Variants in DIMT1 observed in about 807,000 individuals in gnomAD.
DIMT1 encodes the protein DIM1 rRNA methyltransferase and ribosome maturation factor, also known as dimethyladenosine transferase.
DIMT1 carries 36 observed loss-of-function variants against 43.2 expected under a neutral mutation model. The ratio of observed to expected loss-of-function variants is 0.83; its 90% CI spans 0.64 to 1.10. The LOEUF (loss-of-function observed/expected upper bound fraction) is 1.10, where lower values mean the gene tolerates loss of function less well. Among genes scored for constraint, DIMT1 ranks in the 50% least tolerant of loss-of-function variants. The pLI is 0.00. For missense variants in DIMT1, 341 were observed against 385.3 expected, an observed-to-expected ratio of 0.88 and a Z score of 0.96; for synonymous variants, 126 against 130.3, an observed-to-expected ratio of 0.97 and a Z score of 0.22.
At chr5:62,403,443 G>T in intron 1 of DIMT1, 97 bp from the exon 2 acceptor site, 1 of 1,227,420 alleles carries the variant, frequency 8.1e-7, no homozygotes. Context: ...GAAGATTTCT[G>T]CGCCAACCAG....
chr5:62,396,151 T>TTTTTTTTTTTTTTTTC (rs931809201), intron 6 of DIMT1, among the ~76,000 whole-genome samples: 1 of 148,184 alleles, frequency 6.7e-6, no homozygotes, highest in Non-Finnish European at 1.5e-5. Context: ...TTTTTTTTTT[T>TTTTTTTTTTTTTTTTC]ACATTATTAA....
chr5:62,402,588 T>C (rs1391161123), intron 2 of DIMT1, among the ~76,000 whole-genome samples: 1 of 152,238 alleles, frequency 6.6e-6, no homozygotes, highest in African/African-American at 2.4e-5. Flanking sequence ...TCTACGGCCA[T>C]AGCTTTCATC....
rs35130331 is a variant in DIMT1 at position 62,389,055 on chromosome 5, GA to G, written c.900-4del. ...CTGCGTTGAATCCATGTAGCAATCT[GA>G]AAAAAGAAATCAAAATGGAATGGTA... On this transcript the variant is annotated splice_polypyrimidine_tract_variant and splice_region_variant and intron_variant, in intron 11 of 11. Coordinates refer to ENST00000199320, the MANE Select transcript of DIMT1 (RefSeq NM_014473.4). The G allele has an allele frequency of 0.25, 395,261 of 1,608,284 alleles. 49,510 individuals are homozygous for G. The highest frequency in any genetic ancestry group is 0.27 in the Middle Eastern group (1,628 of 6,032).
intron 11 of DIMT1, among the ~76,000 whole-genome samples, chr5:62,389,482 T>G (rs1742193641): frequency 4.8e-5 from 2 of 41,400 alleles, no homozygotes; most frequent in Admixed American, 2.2e-4. Flanking sequence ...CAAGACTCTG[T>G]CTCAAAAAAA....
At position 62,391,910 on chromosome 5, in the gene DIMT1, C is replaced by G. The variant is rs1285625097; in HGVS notation, c.792+261G>C. On this transcript the variant is annotated intron_variant, in intron 10 of 11. Coordinates refer to ENST00000199320, the MANE Select transcript of DIMT1 (RefSeq NM_014473.4). ...GAACCTGTAACTGCTGAATCTGATT[C>G]TTGTTATGGCTAAAAACAACTGTCA... 7 of 1,533,938 alleles carry G rather than the reference C, an allele frequency of 4.6e-6. No individual in the cohort carries two copies. In the East Asian group the frequency reaches 1.5e-4, roughly 32 times the overall value.
chr5:62,399,643 C>CAA (rs769268284), intron 3 of DIMT1, among the ~76,000 whole-genome samples: 5 of 100,346 alleles, frequency 5.0e-5, no homozygotes, highest in Non-Finnish European at 2.1e-5. Flanking sequence ...GACTCCATCT[C>CAA]AAAAAAAAAA....
At chr5:62,403,386 G>T in intron 1 of DIMT1, 40 bp from the exon 2 acceptor site, 1 of 1,583,504 alleles carries the variant, frequency 6.3e-7, no homozygotes, top group Non-Finnish European at 8.7e-7. Context: ...TTCCTACTGA[G>T]ATTAGATATT....
intron 3 of DIMT1, among the ~76,000 whole-genome samples, chr5:62,401,580 CTTT>C (rs1156327743): frequency 9.6e-6 from 1 of 104,406 alleles, no homozygotes; most frequent in African/African-American, 3.6e-5. Context: ...TCATATTTTC[CTTT>C]TTTTTTTTTT....
At chr5:62,398,910 G>A in intron 3 of DIMT1, 29 bp from the exon 4 acceptor site, 7 of 1,500,864 alleles carry the variant, frequency 4.7e-6, no homozygotes, top group Non-Finnish European at 6.4e-6. Context: ...AAATTATTTA[G>A]GTTAATTATG....
At chr5:62,393,863 G>GTTGAT in intron 8 of DIMT1, 92 bp downstream of exon 8, 1 of 1,089,360 alleles carries the variant, frequency 9.2e-7, no homozygotes, top group East Asian at 2.5e-5. Context: ...GAATATTTAG[G>GTTGAT]TTGATTCAAT....
intron 11 of DIMT1, 47 bp from the exon 12 acceptor site, chr5:62,389,099 A>G: frequency 6.5e-7 from 1 of 1,527,730 alleles, no homozygotes; most frequent in Non-Finnish European, 9.0e-7. Flanking sequence ...GCTAATTTGT[A>G]GCACATAACG....
intron 11 of DIMT1, 102 bp from the exon 12 acceptor site, chr5:62,389,154 G>C (rs1332887624): frequency 9.9e-7 from 1 of 1,006,158 alleles, no homozygotes; most frequent in Non-Finnish European, 1.5e-6. Flanking sequence ...AATACAGCAT[G>C]CTTACAGAGC....
At chr5:62,393,663 T>G (rs1268663056) in intron 8 of DIMT1, among the ~76,000 whole-genome samples, 1 of 152,206 alleles carries the variant, frequency 6.6e-6, no homozygotes, top group Non-Finnish European at 1.5e-5. Context: ...AAAAAACAAT[T>G]ACAATGAAAA....
At chr5:62,394,682 T>C in intron 6 of DIMT1, 75 bp from the exon 7 acceptor site, 1 of 1,593,812 alleles carries the variant, frequency 6.3e-7, no homozygotes, top group East Asian at 2.2e-5. Flanking sequence ...CAATGAATTT[T>C]CTTGGGAGAG....
In DIMT1 at chr5:62,403,819, A is replaced by G. The variant is rs1443963135; in HGVS notation, c.-47T>C. 2 of 1,586,300 alleles carry G rather than the reference A, an allele frequency of 1.3e-6. No homozygotes were observed. Among genetic ancestry groups the G allele is most frequent in the Non-Finnish European group, 1.7e-6 (2 of 1,163,758 alleles). On this transcript the variant is annotated 5_prime_UTR_variant, in exon 1 of 12. Coordinates refer to ENST00000199320, the MANE Select transcript of DIMT1 (RefSeq NM_014473.4). ...AGGCCCGGGACGTCAAGGAGGACCA[A>G]AGAGGGCTAGCGTGAGAAAGCCACC...
intron 9 of DIMT1, chr5:62,392,704 C>G: frequency 2.3e-6 from 1 of 433,154 alleles, no homozygotes; most frequent in East Asian, 3.8e-5. Context: ...GGAGTGTTTT[C>G]CTGTTTTGCC....
chr5:62,393,201 T>C (rs559659986), intron 8 of DIMT1, among the ~76,000 whole-genome samples: 9 of 152,292 alleles, frequency 5.9e-5, no homozygotes, highest in Non-Finnish European at 1.3e-4. Flanking sequence ...ACTGAATATG[T>C]CTTTTCCTCA....
rs775533413 is a variant in DIMT1, at chr5:62,389,485, C to CAAAAAAAAAAAAAAAAAA, written c.900-434_900-433insTTTTTTTTTTTTTTTTTT. On this transcript the variant is annotated intron_variant, in intron 11 of 11. Coordinates refer to ENST00000199320, the MANE Select transcript of DIMT1 (RefSeq NM_014473.4). ...TGGGTGACAGAGCAAGACTCTGTCT[C>CAAAAAAAAAAAAAAAAAA]AAAAAAAAAAAAAAAAGAAATGTTA... Among the ~76,000 whole-genome samples, 66 of 75,816 alleles carry CAAAAAAAAAAAAAAAAAA rather than the reference C, an allele frequency of 8.7e-4. 4 individuals are homozygous for CAAAAAAAAAAAAAAAAAA. Among genetic ancestry groups the CAAAAAAAAAAAAAAAAAA allele is most frequent in the African/African-American group, 1.8e-3 (32 of 17,502 alleles). 49.7% of individuals were successfully genotyped at this position (75,816 alleles called of 152,430 possible).
chr5:62,403,890 G>T lies in DIMT1; in HGVS notation c.-118C>A. ...CGCCGCCCGCACCACTCTGGCCCAA[G>T]CGCCGGAGGGGCAAGGGTCCGCCCC... On this transcript the variant is annotated 5_prime_UTR_variant, in exon 1 of 12. Transcript: ENST00000199320. 1 of 1,104,520 alleles carries T rather than the reference G, an allele frequency of 9.1e-7. No individual in the cohort carries two copies. The highest frequency in any genetic ancestry group is 1.3e-6 in the Non-Finnish European group (1 of 779,116). The allele number at this position is 1,104,520 out of a possible 1,614,324, so 68.4% of individuals were successfully genotyped here. A position where few individuals can be genotyped will look rare whatever the true frequency, so the allele number is the denominator to read the frequency against.
Sources: gnomAD v4.1 joint callset for allele counts (sites outside exome capture counted in the v4.1 genomes callset) on GRCh38, gnomAD v4.1.1 for gene constraint, MANE v1.5 for transcripts, NCBI Gene and HGNC (gene_info 2026-07-23, HGNC 2026-07-21) for gene names.